The following UNC13C variants were observed in gnomAD, a reference collection of about 807,000 sequenced individuals.
UNC13C encodes protein unc-13 homolog C.
In UNC13C, 174 loss-of-function variants were observed where a neutral mutation model predicts 245.4. That is an observed-to-expected ratio of 0.71 (90% CI 0.63 to 0.80). UNC13C has a LOEUF of 0.80. Among genes scored for constraint, UNC13C ranks in the 30% least tolerant of loss-of-function variants. UNC13C has a pLI of 0.00. For synonymous variants in UNC13C, 992 were observed against 895.1 expected (o/e 1.11, Z -1.93); for missense variants, 2,829 against 2,602.9 (o/e 1.09, Z -1.89).
At chr15:53,977,470 G>A (rs1409554981), upstream of UNC13C, among the ~76,000 whole-genome samples, 1 of 152,120 alleles carries the variant, frequency 6.6e-6, no homozygotes, top group Non-Finnish European at 1.5e-5. Flanking sequence ...ATACAAATCT[G>A]TATATATGCT....
chr15:54,028,937 T>C (rs1896240050), intron 2 of UNC13C, among the ~76,000 whole-genome samples: 1 of 152,154 alleles, frequency 6.6e-6, no homozygotes, highest in Non-Finnish European at 1.5e-5. Context: ...ACATAAAAGA[T>C]GAATTTTCAG....
chr15:54,280,691 A>AACATATGTATACATACATATATAC (rs2036960622), intron 10 of UNC13C, among the ~76,000 whole-genome samples: 1 of 88,464 alleles, frequency 1.1e-5, no homozygotes, highest in East Asian at 3.2e-4. Flanking sequence ...TACATATATA[A>AACATATGTATACATACATATATAC]ACATATGTAT....
At chr15:53,973,416 A>G (rs1016992339), upstream of UNC13C, among the ~76,000 whole-genome samples, 2 of 152,128 alleles carry the variant, frequency 1.3e-5, no homozygotes, top group Non-Finnish European at 2.9e-5. Flanking sequence ...AATTACATTT[A>G]TACCTATTTT....
At chr15:54,040,816 G>A (rs1896778422) in intron 2 of UNC13C, among the ~76,000 whole-genome samples, 1 of 152,176 alleles carries the variant, frequency 6.6e-6, no homozygotes, top group Non-Finnish European at 1.5e-5. Context: ...TGTTCTCTCA[G>A]CCTGAAATGT....
rs2034996825 is a variant in UNC13C at position 54,214,995 on chromosome 15, G to A, written c.3072-20035G>A. Among the ~76,000 whole-genome samples the A allele has an allele frequency of 2.6e-5, 4 of 151,770 alleles. No homozygotes were observed. The Admixed American group carries it at 2.6e-4, about 10-fold the overall frequency. On this transcript the variant is annotated intron_variant, in intron 4 of 32. Transcript: ENST00000260323. ...ATTATTATGAGAAAGTTTTGGGGCT[G>A]CATTTTTTGTTTTCTGTTCTGTAGC...
At chr15:53,898,171 T>C in the UNC13C span, among the ~76,000 whole-genome samples, 1 of 150,296 alleles carries the variant, frequency 6.7e-6, no homozygotes, top group Non-Finnish European at 1.5e-5. Flanking sequence ...CTTTCTCCTT[T>C]TATACAGAGA....
At chr15:53,887,369 T>A in the UNC13C span, among the ~76,000 whole-genome samples, 1 of 152,274 alleles carries the variant, frequency 6.6e-6, no homozygotes, top group East Asian at 1.9e-4. Flanking sequence ...TTATAGGAAA[T>A]GTGAGGAAAC....
intron 22 of UNC13C, among the ~76,000 whole-genome samples, chr15:54,506,115 C>CT (rs1894462562): frequency 6.6e-6 from 1 of 152,282 alleles, no homozygotes; most frequent in African/African-American, 2.4e-5. Context: ...ATTAAAAAAT[C>CT]TCACATGGCA....
intron 8 of UNC13C, among the ~76,000 whole-genome samples, chr15:54,255,089 C>T (rs749632226): frequency 2.5e-4 from 38 of 152,108 alleles, no homozygotes; most frequent in South Asian, 4.1e-4. Flanking sequence ...GGGAGCCCCA[C>T]GGCAGTGTCT....
At chr15:54,219,821 T>G (rs1267952511) in intron 4 of UNC13C, among the ~76,000 whole-genome samples, 1 of 151,372 alleles carries the variant, frequency 6.6e-6, no homozygotes, top group Non-Finnish European at 1.5e-5. Flanking sequence ...AAGACATTTA[T>G]GCAGCCAAAA....
chr15:54,418,867 T>C (rs2040576807), intron 19 of UNC13C, among the ~76,000 whole-genome samples: 1 of 152,158 alleles, frequency 6.6e-6, no homozygotes, highest in South Asian at 2.1e-4. Flanking sequence ...GTTAATACCA[T>C]TGACCTAAAC....
chr15:54,081,612 T>A (rs561580029), intron 2 of UNC13C, among the ~76,000 whole-genome samples: 2 of 152,238 alleles, frequency 1.3e-5, no homozygotes, highest in African/African-American at 4.8e-5. Context: ...TCCCTGCTTT[T>A]TTTTTTCCTT....
chr15:54,148,701 A>G (rs1486197038), intron 4 of UNC13C, among the ~76,000 whole-genome samples: 2 of 152,126 alleles, frequency 1.3e-5, no homozygotes, highest in Non-Finnish European at 2.9e-5. Context: ...TATCAAGTCC[A>G]CTAATTTGAT....
chr15:54,419,239 C>A (rs1306906056), intron 19 of UNC13C, among the ~76,000 whole-genome samples: 1 of 152,074 alleles, frequency 6.6e-6, no homozygotes, highest in Non-Finnish European at 1.5e-5. Flanking sequence ...GAGATGAATA[C>A]ATCAGAGTAG....
chr15:54,167,818 G>A (rs181586959), intron 4 of UNC13C, among the ~76,000 whole-genome samples: 10 of 151,950 alleles, frequency 6.6e-5, no homozygotes, highest in Non-Finnish European at 1.0e-4. Flanking sequence ...TGGACCAAAG[G>A]TTTCAACAGT....
intron 17 of UNC13C, among the ~76,000 whole-genome samples, chr15:54,358,840 C>T (rs2039160390): frequency 6.6e-6 from 1 of 151,984 alleles, no homozygotes; most frequent in African/African-American, 2.4e-5. Flanking sequence ...GCTAAGACTT[C>T]CAGTATTGTG....
At chr15:53,886,283 A>G in the UNC13C span, among the ~76,000 whole-genome samples, 1 of 152,154 alleles carries the variant, frequency 6.6e-6, no homozygotes, top group Non-Finnish European at 1.5e-5. Context: ...CATATACAAG[A>G]TGAGCTTGGA....
At chr15:54,483,382 T>C (rs1472079842) in intron 19 of UNC13C, among the ~76,000 whole-genome samples, 1 of 151,474 alleles carries the variant, frequency 6.6e-6, no homozygotes, top group Non-Finnish European at 1.5e-5. Flanking sequence ...GAATCTGCAT[T>C]TTAACAAGCT....
At chr15:54,038,779 C>A (rs543454891) in intron 2 of UNC13C, among the ~76,000 whole-genome samples, 4 of 152,082 alleles carry the variant, frequency 2.6e-5, no homozygotes, top group Non-Finnish European at 5.9e-5. Flanking sequence ...ATTTAGAATC[C>A]AAAGACTCCT....
Sources: allele counts gnomAD v4.1 joint callset (sites outside exome capture counted in the v4.1 genomes callset), GRCh38; gene constraint gnomAD v4.1.1; transcripts MANE v1.5; gene names NCBI Gene and HGNC (gene_info 2026-07-23, HGNC 2026-07-21).